Variants in CCDC141 observed in about 807,000 individuals in gnomAD.
CCDC141 encodes coiled-coil domain containing 141.
In CCDC141, 168 loss-of-function variants were observed where a neutral mutation model predicts 181.0. The observed-to-expected ratio is 0.93, with a 90% CI of 0.82 to 1.05. The LOEUF (loss-of-function observed/expected upper bound fraction) is 1.05. CCDC141 is among the 50% of genes least tolerant of loss of function. The pLI is 0.00. For synonymous variants in CCDC141, 666 were observed against 642.3 expected, an observed-to-expected ratio of 1.04 and a Z score of -0.56; for missense variants, 1,902 against 1,788.5, an observed-to-expected ratio of 1.06 and a Z score of -1.14.
chr2:178,901,861 T>C (rs900751764), intron 8 of CCDC141, among the ~76,000 whole-genome samples: 8 of 152,118 alleles, frequency 5.3e-5, no homozygotes, highest in African/African-American at 7.2e-5. Flanking sequence ...GAAAACCCCA[T>C]TGTCTCAGCC....
intron 17 of CCDC141, among the ~76,000 whole-genome samples, chr2:178,862,759 A>G (rs1685676854): frequency 6.6e-6 from 1 of 152,200 alleles, no homozygotes; most frequent in South Asian, 2.1e-4. Flanking sequence ...TTTTTTCTCA[A>G]AGATAAAGCA....
intron 2 of CCDC141, among the ~76,000 whole-genome samples, chr2:179,042,900 A>G (rs140937710): frequency 3.3e-5 from 5 of 152,274 alleles, no homozygotes; most frequent in African/African-American, 1.2e-4. Context: ...ACACAAAAAA[A>G]CCTTCAAAAA....
chr2:178,834,115 A>G lies in CCDC141; in HGVS notation c.*58T>C. 6.7e-7 allele frequency: 1 copy of G among 1,502,032 alleles called. No individual in the cohort carries two copies. The highest frequency in any genetic ancestry group is 2.0e-4 in the Middle Eastern group (1 of 4,970). The allele number at this position is 1,502,032 out of a possible 1,614,324, so 93.0% of individuals were successfully genotyped here. On this transcript the variant is annotated 3_prime_UTR_variant, in exon 24 of 24. Transcript: ENST00000443758. The stretch of plus-strand genomic sequence containing the variant: ...CTTTGCAGGAGGTGCAGGAAGATAA[A>G]CGGCGGCACTTTTCTTTAGGCACAT...
At chr2:178,994,105 T>G (rs1366746953) in intron 2 of CCDC141, among the ~76,000 whole-genome samples, 1 of 152,056 alleles carries the variant, frequency 6.6e-6, no homozygotes, top group Non-Finnish European at 1.5e-5. Context: ...CATTCTGGAG[T>G]CTCGAGGACA....
intron 8 of CCDC141, among the ~76,000 whole-genome samples, chr2:178,902,853 C>G (rs533082713): frequency 6.7e-6 from 1 of 149,570 alleles, no homozygotes; most frequent in African/African-American, 2.4e-5. Context: ...TCGCAACCTA[C>G]TCATCTGACA....
intron 23 of CCDC141, chr2:178,835,950 A>C (rs372239968): frequency 2.0e-5 from 3 of 152,778 alleles, no homozygotes; most frequent in Non-Finnish European, 4.4e-5. Context: ...TAAGTTCCTT[A>C]GATAACTGGT....
intron 13 of CCDC141, among the ~76,000 whole-genome samples, chr2:178,871,760 C>T (rs1036428045): frequency 1.3e-5 from 2 of 151,982 alleles, no homozygotes; most frequent in African/African-American, 4.8e-5. Context: ...GTAAAATACA[C>T]ATAACAAAAG....
Position 178,855,340 on chromosome 2 carries a change from A to T in CCDC141, c.3060+7T>A. 6.2e-7 allele frequency: 1 copy of T among 1,601,860 alleles called. No homozygotes were observed. The highest frequency in any genetic ancestry group is 8.5e-7 in the Non-Finnish European group (1 of 1,176,272). ...ACAACATGGATACCACTGCAAAAAG[A>T]GAATACCTCTTCTATCACCTCCTGG... On this transcript the variant is annotated splice_region_variant and intron_variant, in intron 19 of 23. Coordinates refer to ENST00000443758, the MANE Select transcript of CCDC141 (RefSeq NM_173648.4).
intron 7 of CCDC141, 39 bp downstream of exon 7, chr2:178,918,674 C>G: frequency 1.3e-6 from 2 of 1,515,076 alleles, no homozygotes; most frequent in Non-Finnish European, 1.8e-6. Flanking sequence ...TACTGGTCTG[C>G]CTGATTACCG....
rs1183410257 is a variant in CCDC141 at position 178,923,232 on chromosome 2, G to T, written c.898-4325C>A. Among the ~76,000 whole-genome samples the T allele has an allele frequency of 8.2e-4, 123 of 149,748 alleles. 1 individual carries two copies. Among genetic ancestry groups the T allele is most frequent in the African/African-American group, 2.9e-3 (117 of 40,932 alleles). The stretch of plus-strand genomic sequence containing the variant: ...CCATTCTCCTGCCTCAGCCTCCCAA[G>T]TAGCTGGGACTACAGGCGCCCGCCA... On this transcript the variant is annotated intron_variant, in intron 6 of 23. Coordinates refer to ENST00000443758, the MANE Select transcript of CCDC141 (RefSeq NM_173648.4).
chr2:178,953,174 C>G (rs557346445), intron 5 of CCDC141, among the ~76,000 whole-genome samples: 9 of 152,102 alleles, frequency 5.9e-5, no homozygotes, highest in African/African-American at 1.7e-4. Context: ...TGGTGGCTCA[C>G]GCCTATAATC....
At chr2:179,026,535 G>A (rs569140094) in intron 2 of CCDC141, among the ~76,000 whole-genome samples, 8 of 152,196 alleles carry the variant, frequency 5.3e-5, no homozygotes, top group Non-Finnish European at 8.8e-5. Context: ...GCAGGGGTAG[G>A]GCTCTCATAG....
intron 8 of CCDC141, among the ~76,000 whole-genome samples, chr2:178,901,489 G>C (rs979815854): frequency 6.6e-5 from 10 of 152,206 alleles, no homozygotes; most frequent in Non-Finnish European, 2.9e-5. Context: ...CATATAAACA[G>C]AGCCAAAGAC....
At chr2:178,891,162 C>T (rs1267573707) in intron 8 of CCDC141, among the ~76,000 whole-genome samples, 2 of 152,116 alleles carry the variant, frequency 1.3e-5, no homozygotes, top group African/African-American at 4.8e-5. Flanking sequence ...TAAGGAAAAA[C>T]AGATTACATT....
At chr2:178,988,582 A>G (rs1487000243) in intron 2 of CCDC141, among the ~76,000 whole-genome samples, 2 of 152,204 alleles carry the variant, frequency 1.3e-5, no homozygotes, top group African/African-American at 4.8e-5. Context: ...AATACTGTCT[A>G]AAGTAATCCA....
chr2:179,048,686 T>C (rs1388472997), intron 1 of CCDC141, among the ~76,000 whole-genome samples: 7 of 152,140 alleles, frequency 4.6e-5, no homozygotes, highest in Non-Finnish European at 1.0e-4. Flanking sequence ...CTTCTTTTCA[T>C]CTCCTCTCTG....
At chr2:178,886,373 C>T (rs566137960) in intron 10 of CCDC141, among the ~76,000 whole-genome samples, 20 of 152,262 alleles carry the variant, frequency 1.3e-4, no homozygotes, top group Middle Eastern at 3.4e-3. Context: ...CAATAACGCA[C>T]GTTGCTTCTG....
intron 2 of CCDC141, among the ~76,000 whole-genome samples, chr2:179,013,663 A>C (rs373149087): frequency 2.0e-5 from 3 of 152,132 alleles, no homozygotes; most frequent in African/African-American, 7.2e-5. Flanking sequence ...CCAAAGCAAG[A>C]CTAAGCAAAA....
chr2:178,823,794 A>AGC, the CCDC141 span, among the ~76,000 whole-genome samples: 1 of 152,206 alleles, frequency 6.6e-6, no homozygotes, highest in Admixed American at 6.5e-5. Context: ...CTATCTGGAA[A>AGC]TCTTGTTTGA....
Sources: gnomAD v4.1 joint callset for allele counts (sites outside exome capture counted in the v4.1 genomes callset) on GRCh38, gnomAD v4.1.1 for gene constraint, MANE v1.5 for transcripts, NCBI Gene and HGNC (gene_info 2026-07-23, HGNC 2026-07-21) for gene names.